CPNE5: variants seen among roughly 807,000 people sequenced by gnomAD.
The protein encoded by CPNE5 is copine 5, also known as copine-5.
CPNE5 carries 42 observed loss-of-function variants against 81.1 expected under a neutral mutation model. The ratio of observed to expected loss-of-function variants is 0.52; its 90% CI spans 0.40 to 0.67. The LOEUF is 0.67. CPNE5 is among the 30% of genes least tolerant of loss of function. CPNE5 has a pLI of 0.00. For missense variants in CPNE5, 612 were observed against 815.5 expected (o/e 0.75, Z 3.04); for synonymous variants, 313 against 321.5 (o/e 0.97, Z 0.28).
chr6:36,743,852 G>A, intron 19 of CPNE5, 90 bp from the exon 20 acceptor site: 1 of 1,169,072 alleles, frequency 8.6e-7, no homozygotes, highest in East Asian at 2.3e-5. Context: ...TTCATCCCAG[G>A]CCAATCCAGG....
At position 36,799,996 on chromosome 6, in the gene CPNE5, G is replaced by A. The variant is rs774833646; in HGVS notation, c.258C>T (p.Phe86=). 6 of 1,613,918 alleles carry A rather than the reference G, an allele frequency of 3.7e-6. No homozygotes were observed. In the East Asian group the frequency reaches 6.7e-5, roughly 18 times the overall value. The stretch of plus-strand genomic sequence containing the variant: ...CAAAACGGAGGTTCTGCTTCTCCTC[G>A]AAAAAGTAATCCACAATGAACTTGC... The part of the protein sequence containing the change: ...FVRKFIVDYF[F]EEKQNLRFDL... The change falls in exon 4 of 21, where the codon TTC becomes TTT. Residue 86 remains phenylalanine, a synonymous_variant. Coordinates refer to ENST00000244751, the MANE Select transcript of CPNE5 (RefSeq NM_020939.2).
At chr6:36,780,969 C>T (rs963284134) in intron 8 of CPNE5, among the ~76,000 whole-genome samples, 9 of 152,180 alleles carry the variant, frequency 5.9e-5, no homozygotes, top group African/African-American at 2.2e-4. Flanking sequence ...ATTTCAAAGT[C>T]ATGCCTCTTC....
rs138853161 is a variant in CPNE5, at chr6:36,834,571, G to A, written c.95+4712C>T. The stretch of plus-strand genomic sequence containing the variant: ...CTCAAGAGGCTGAGGCAGGAGAATC[G>A]CTTGAACCCAGTAGGCAGAGGTTGC... On this transcript the variant is annotated intron_variant, in intron 1 of 20. Transcript: ENST00000244751. Among the ~76,000 whole-genome samples, 600 of 151,674 alleles carry A rather than the reference G, an allele frequency of 4.0e-3. 7 individuals are homozygous for A. Among genetic ancestry groups the A allele is most frequent in the Non-Finnish European group, 4.1e-3 (281 of 67,940 alleles).
At position 36,778,891 on chromosome 6, in the gene CPNE5, G is replaced by C; in HGVS notation, c.595C>G (p.Pro199Ala). The C allele has an allele frequency of 1.2e-6, 2 of 1,606,770 alleles. No homozygotes were observed. Among genetic ancestry groups the C allele is most frequent in the Non-Finnish European group, 8.5e-7 (1 of 1,173,832 alleles). ...TTGCTTCTGTAGAATACCAAGAAGG[G>C]GTCAGATTTCCCAAAGAAATCTTTC... ...DKKDFFGKSD[P>A]FLVFYRSNED... The change falls in exon 9 of 21, where the codon CCC becomes GCC. Residue 199 changes from proline (P) to alanine (A), a missense_variant. Pro to Ala is a conservative substitution (Grantham distance 27). Coordinates refer to ENST00000244751, the MANE Select transcript of CPNE5 (RefSeq NM_020939.2).
chr6:36,768,328 G>C (rs914570660), intron 10 of CPNE5, among the ~76,000 whole-genome samples: 1 of 143,408 alleles, frequency 7.0e-6, no homozygotes, highest in African/African-American at 2.6e-5. Context: ...TCCACCTCCT[G>C]GGTTCAAGCA....
intron 8 of CPNE5, among the ~76,000 whole-genome samples, chr6:36,785,350 G>A (rs946691737): frequency 2.6e-5 from 4 of 151,810 alleles, no homozygotes; most frequent in Admixed American, 6.6e-5. Context: ...TCAAAATTTC[G>A]GTCATCAAAA....
intron 1 of CPNE5, among the ~76,000 whole-genome samples, chr6:36,829,162 T>G (rs1469103973): frequency 6.6e-6 from 1 of 151,886 alleles, no homozygotes; most frequent in Non-Finnish European, 1.5e-5. Flanking sequence ...TAGCCTTCCT[T>G]GAGGAGAGAG....
chr6:36,755,937 A>C, intron 13 of CPNE5: 9 of 420,050 alleles, frequency 2.1e-5, no homozygotes, highest in Non-Finnish European at 3.0e-5. Context: ...AACGTGGGGA[A>C]TTTCCCAGGG....
chr6:36,822,617 G>C (rs1772157288), intron 2 of CPNE5, among the ~76,000 whole-genome samples: 1 of 152,132 alleles, frequency 6.6e-6, no homozygotes, highest in African/African-American at 2.4e-5. Context: ...AGTTTCATGA[G>C]GCCTCTGATT....
At chr6:36,829,869 ATACCC>A (rs1772841168) in intron 1 of CPNE5, among the ~76,000 whole-genome samples, 1 of 117,498 alleles carries the variant, frequency 8.5e-6, no homozygotes. Flanking sequence ...AAAAAAAAAA[ATACCC>A]AACAGGAATC....
At chr6:36,757,030 C>A (rs1765547220) in intron 12 of CPNE5, among the ~76,000 whole-genome samples, 1 of 152,138 alleles carries the variant, frequency 6.6e-6, no homozygotes, top group Admixed American at 6.5e-5. Context: ...TGCTGCTAAA[C>A]ATCCTACAGT....
intron 17 of CPNE5, 84 bp downstream of exon 17, chr6:36,745,304 A>G: frequency 6.6e-7 from 1 of 1,505,392 alleles, no homozygotes; most frequent in Non-Finnish European, 9.0e-7. Flanking sequence ...TGGGAAGAGA[A>G]ACCCCCTCCC....
intron 1 of CPNE5, among the ~76,000 whole-genome samples, chr6:36,837,612 A>C (rs1371812190): frequency 1.3e-5 from 2 of 152,148 alleles, no homozygotes; most frequent in Admixed American, 1.3e-4. Flanking sequence ...GGCCCACGGG[A>C]CACAGAAGAC....
At chr6:36,752,424 C>G (rs916754968) in intron 14 of CPNE5, among the ~76,000 whole-genome samples, 1 of 152,138 alleles carries the variant, frequency 6.6e-6, no homozygotes, top group African/African-American at 2.4e-5. Flanking sequence ...TGTTTGACCA[C>G]CTGCTGGCCC....
intron 3 of CPNE5, among the ~76,000 whole-genome samples, chr6:36,817,154 T>C (rs1470394491): frequency 1.3e-5 from 2 of 152,110 alleles, no homozygotes; most frequent in Non-Finnish European, 2.9e-5. Context: ...GGTGAAACCC[T>C]GTCTCTACTA....
chr6:36,762,608 G>C (rs1011971871), intron 12 of CPNE5, among the ~76,000 whole-genome samples: 113 of 152,242 alleles, frequency 7.4e-4, no homozygotes, highest in African/African-American at 2.5e-3. Flanking sequence ...TCGTATACTG[G>C]CTCCCATCGT....
Position 36,799,999 on chromosome 6 carries a change from A to T in CPNE5, c.255T>A (p.Phe85Leu), listed in dbSNP as rs1769961021. 1 of 1,613,988 alleles carries T rather than the reference A, an allele frequency of 6.2e-7. No individual in the cohort carries two copies. The highest frequency in any genetic ancestry group is 8.5e-7 in the Non-Finnish European group (1 of 1,179,998). Residue 85 changes from phenylalanine to leucine, a missense_variant, in exon 4 of 21, where the codon TTT (phenylalanine) becomes TTA (leucine). Phe to Leu is a conservative substitution (Grantham distance 22). Transcript: ENST00000244751. ...AACGGAGGTTCTGCTTCTCCTCGAA[A>T]AAGTAATCCACAATGAACTTGCGCA... ...DFVRKFIVDYFFEEKQNLRFD... is the reference protein window; with the variant it reads ...DFVRKFIVDYLFEEKQNLRFD...
intron 3 of CPNE5, among the ~76,000 whole-genome samples, chr6:36,816,664 C>T (rs1176611810): frequency 1.3e-5 from 2 of 152,192 alleles, no homozygotes; most frequent in Admixed American, 6.5e-5. Context: ...ATCCCAGAGG[C>T]GGTTCCATAG....
chr6:36,787,742 A>T (rs866214527), intron 8 of CPNE5, among the ~76,000 whole-genome samples: 8 of 152,180 alleles, frequency 5.3e-5, no homozygotes, highest in South Asian at 2.1e-4. Context: ...CCCCCGGGGC[A>T]GTTATGGTGT....
Sources: gnomAD v4.1 joint callset for allele counts (sites outside exome capture counted in the v4.1 genomes callset) on GRCh38, gnomAD v4.1.1 for gene constraint, MANE v1.5 for transcripts, NCBI Gene and HGNC (gene_info 2026-07-23, HGNC 2026-07-21) for gene names.